Variants in WASF3 observed in about 807,000 individuals in gnomAD.
The protein encoded by WASF3 is WASP family member 3.
In WASF3, 11 loss-of-function variants were observed where a neutral mutation model predicts 46.6. That is an observed-to-expected ratio of 0.24 (90% CI 0.15 to 0.39). The LOEUF (loss-of-function observed/expected upper bound fraction) is 0.39, where lower values mean the gene tolerates loss of function less well. WASF3 is among the 10% of genes least tolerant of loss of function. The probability of loss-of-function intolerance (pLI) is 1.00; values close to 1 mark genes in which losing one functional copy is unlikely to be tolerated. For missense variants in WASF3, 576 were observed against 669.8 expected, an observed-to-expected ratio of 0.86 and a Z score of 1.55; for synonymous variants, 242 against 259.7, an observed-to-expected ratio of 0.93 and a Z score of 0.65.
chr13:26,672,268 A>G (rs991226905), intron 6 of WASF3, among the ~76,000 whole-genome samples: 2 of 152,184 alleles, frequency 1.3e-5, no homozygotes, highest in Non-Finnish European at 2.9e-5. Context: ...CTGCGTTCTC[A>G]AATTTTTGTA....
chr13:26,683,084 A>T, intron 9 of WASF3, 110 bp downstream of exon 9: 1 of 1,440,584 alleles, frequency 6.9e-7, no homozygotes, highest in Non-Finnish European at 9.2e-7. Flanking sequence ...ACGTTTTTTA[A>T]AATAGAGTTA....
intron 1 of WASF3, among the ~76,000 whole-genome samples, chr13:26,574,559 A>G (rs1015765511): frequency 2.0e-5 from 3 of 151,484 alleles, no homozygotes; most frequent in Non-Finnish European, 4.4e-5. Context: ...TATGTCTTTT[A>G]TATACAGCAT....
chr13:26,577,802 A>T (rs1879847352), intron 1 of WASF3: 2 of 612,602 alleles, frequency 3.3e-6, no homozygotes, highest in South Asian at 2.0e-5. Context: ...TTATACATGC[A>T]CTCAGTTGTG....
intron 1 of WASF3, among the ~76,000 whole-genome samples, chr13:26,586,552 A>T (rs563661400): frequency 1.8e-4 from 28 of 152,260 alleles, no homozygotes; most frequent in Admixed American, 5.2e-4. Flanking sequence ...CTGATAGGGG[A>T]TGTTCTCTAC....
At chr13:26,623,293 C>T (rs932522587) in intron 2 of WASF3, among the ~76,000 whole-genome samples, 7 of 152,104 alleles carry the variant, frequency 4.6e-5, no homozygotes, top group South Asian at 4.2e-4. Flanking sequence ...TGCTGCTCTG[C>T]GGGAGGTAAT....
At chr13:26,548,986 T>G in the WASF3 span, among the ~76,000 whole-genome samples, 2 of 125,650 alleles carry the variant, frequency 1.6e-5, no homozygotes, top group African/African-American at 5.6e-5. Context: ...TCTTTCTTTC[T>G]TTGTTTTTTT....
chr13:26,603,303 G>GT (rs1880697021), intron 1 of WASF3, among the ~76,000 whole-genome samples: 1 of 152,188 alleles, frequency 6.6e-6, no homozygotes, highest in South Asian at 2.1e-4. Flanking sequence ...AGAGAGCAAG[G>GT]TGAGGCTGGA....
intron 3 of WASF3, among the ~76,000 whole-genome samples, chr13:26,664,773 AGCT>A (rs1882722768): frequency 6.6e-6 from 1 of 152,276 alleles, no homozygotes; most frequent in African/African-American, 2.4e-5. Flanking sequence ...CTTGAGCGAT[AGCT>A]CATGTAGCAA....
At chr13:26,633,455 C>T (rs1088191) in intron 2 of WASF3, among the ~76,000 whole-genome samples, 46,364 of 151,960 alleles carry the variant, frequency 0.31, 7,458 homozygotes, top group East Asian at 0.58. Context: ...CTGCCCACCT[C>T]GGCCTCCCAA....
intron 5 of WASF3, among the ~76,000 whole-genome samples, chr13:26,669,362 G>GT (rs1245069335): frequency 6.7e-6 from 1 of 149,568 alleles, no homozygotes; most frequent in Non-Finnish European, 1.5e-5. Context: ...TTAATAGTGT[G>GT]TTTAAGGATA....
At chr13:26,668,833 A>C (rs996778946) in intron 5 of WASF3, among the ~76,000 whole-genome samples, 7 of 152,354 alleles carry the variant, frequency 4.6e-5, no homozygotes, top group African/African-American at 1.4e-4. Flanking sequence ...ACTTATTTAA[A>C]AAAATTAAGA....
chr13:26,557,249 G>A (rs566315977), upstream of WASF3, among the ~76,000 whole-genome samples: 1 of 152,162 alleles, frequency 6.6e-6, no homozygotes, highest in Non-Finnish European at 1.5e-5. Context: ...TCCTCTCAGG[G>A]TTGCCTGAAG....
intron 3 of WASF3, among the ~76,000 whole-genome samples, chr13:26,655,835 C>G (rs904582487): frequency 1.3e-5 from 2 of 152,228 alleles, no homozygotes; most frequent in East Asian, 3.9e-4. Flanking sequence ...CCCTTTCAGA[C>G]AGGCTTCTGT....
At chr13:26,581,835 A>AT (rs1879988059) in intron 1 of WASF3, among the ~76,000 whole-genome samples, 1 of 152,216 alleles carries the variant, frequency 6.6e-6, no homozygotes, top group African/African-American at 2.4e-5. Context: ...AAATAAAGTG[A>AT]TTCTTCAGCC....
At chr13:26,563,573 T>G (rs1465973789) in intron 1 of WASF3, among the ~76,000 whole-genome samples, 1 of 139,706 alleles carries the variant, frequency 7.2e-6, no homozygotes, top group Non-Finnish European at 1.5e-5. Flanking sequence ...GAGAATTGCT[T>G]GAACCCGGGA....
intron 1 of WASF3, among the ~76,000 whole-genome samples, chr13:26,582,930 A>T (rs575791366): frequency 6.6e-6 from 1 of 152,272 alleles, no homozygotes; most frequent in East Asian, 1.9e-4. Context: ...AGCTATTAAC[A>T]TATATTCTAA....
At chr13:26,657,736 A>G (rs573066651) in intron 3 of WASF3, among the ~76,000 whole-genome samples, 1 of 152,380 alleles carries the variant, frequency 6.6e-6, no homozygotes, top group Non-Finnish European at 1.5e-5. Flanking sequence ...TTAGCTATTA[A>G]TGGACTTGCT....
At chr13:26,621,568 C>T (rs756313914) in intron 2 of WASF3, among the ~76,000 whole-genome samples, 1 of 151,962 alleles carries the variant, frequency 6.6e-6, no homozygotes, top group Non-Finnish European at 1.5e-5. Context: ...AATTCCTAGT[C>T]CTTTGCTGCT....
chr13:26,640,932 C>G (rs1274278953), intron 2 of WASF3: 1 of 152,122 alleles, frequency 6.6e-6, no homozygotes, highest in Non-Finnish European at 1.5e-5. Context: ...CTTTTCTCTT[C>G]AAACATTCCC....
Sources: allele counts gnomAD v4.1 joint callset (sites outside exome capture counted in the v4.1 genomes callset), GRCh38; gene constraint gnomAD v4.1.1; transcripts MANE v1.5; gene names NCBI Gene and HGNC (gene_info 2026-07-23, HGNC 2026-07-21).